The following PDE11A variants were observed in gnomAD, a reference collection of about 807,000 sequenced individuals.
PDE11A encodes phosphodiesterase 11A.
In PDE11A, 100 loss-of-function variants were observed where a neutral mutation model predicts 100.5. The ratio of observed to expected loss-of-function variants is 1.00; its 90% CI spans 0.85 to 1.18. The LOEUF is 1.18. Ranked by LOEUF, PDE11A falls within the 50% of genes most tolerant of loss-of-function variation. PDE11A has a pLI of 0.00. For synonymous variants in PDE11A, 381 were observed against 420.8 expected, an observed-to-expected ratio of 0.91 and a Z score of 1.16; for missense variants, 1,141 against 1,152.6, an observed-to-expected ratio of 0.99 and a Z score of 0.15.
chr2:177,788,099 C>G (rs2082568045), intron 9 of PDE11A, among the ~76,000 whole-genome samples: 2 of 151,940 alleles, frequency 1.3e-5, no homozygotes. Flanking sequence ...TTTTCAGCAC[C>G]ACACCACACC....
rs1401322080 is a variant in PDE11A, at chr2:177,626,143, AG to A, written c.*3263del. The A allele has an allele frequency of 6.5e-6, 1 of 152,676 alleles. No individual in the cohort carries two copies. The highest frequency in any genetic ancestry group is 1.5e-5 in the Non-Finnish European group (1 of 68,062). The allele number at this position is 152,676 out of a possible 1,614,324, so 9.5% of individuals were successfully genotyped here. On this transcript the variant is annotated 3_prime_UTR_variant, in exon 20 of 20. Coordinates refer to ENST00000286063, the MANE Select transcript of PDE11A (RefSeq NM_016953.4). ...GCCAATAAAACGGCAAGAAAATGAG[AG>A]GAAAACTCAACCTTAGTGGAAGCTT...
At chr2:177,898,023 C>G (rs1558996856) in intron 4 of PDE11A, 35 bp downstream of exon 4, 1 of 1,526,760 alleles carries the variant, frequency 6.5e-7, no homozygotes, top group Non-Finnish European at 9.1e-7. Context: ...TCCATTCACA[C>G]AGTCTTCAAC....
intron 10 of PDE11A, among the ~76,000 whole-genome samples, chr2:177,751,593 G>A (rs2082027943): frequency 6.6e-6 from 1 of 152,156 alleles, no homozygotes; most frequent in Non-Finnish European, 1.5e-5. Flanking sequence ...TGTGTCTAAT[G>A]CAGATTTCTA....
intron 2 of PDE11A, among the ~76,000 whole-genome samples, chr2:177,910,087 A>T (rs1219539102): frequency 6.6e-6 from 1 of 152,196 alleles, no homozygotes; most frequent in Non-Finnish European, 1.5e-5. Flanking sequence ...TTGGCCAAAC[A>T]TTACTGTGGA....
chr2:178,067,893 G>A (rs774320901), intron 1 of PDE11A, among the ~76,000 whole-genome samples: 6 of 152,132 alleles, frequency 3.9e-5, no homozygotes, highest in Non-Finnish European at 7.3e-5. Context: ...AAAGGCAGGC[G>A]CACCTGTAAC....
At chr2:178,091,334 G>C (rs2105883685) in intron 2 of PDE11A, among the ~76,000 whole-genome samples, 1 of 152,306 alleles carries the variant, frequency 6.6e-6, no homozygotes, top group East Asian at 1.9e-4. Context: ...GCCTCCCAAA[G>C]TGCTGGGATT....
At chr2:177,906,286 C>T (rs114479673) in intron 2 of PDE11A, among the ~76,000 whole-genome samples, 2,832 of 152,230 alleles carry the variant, frequency 0.019, 53 homozygotes, top group South Asian at 0.046. Flanking sequence ...CAGTGCAGTG[C>T]CCGCTGTGGG....
At chr2:177,650,660 A>G (rs1166685124) in intron 19 of PDE11A, among the ~76,000 whole-genome samples, 1 of 152,190 alleles carries the variant, frequency 6.6e-6, no homozygotes, top group Non-Finnish European at 1.5e-5. Context: ...TAGTTTTGAA[A>G]ACTTTGAGGT....
At chr2:177,738,737 C>A (rs1219326406) in intron 10 of PDE11A, among the ~76,000 whole-genome samples, 1 of 152,210 alleles carries the variant, frequency 6.6e-6, no homozygotes, top group African/African-American at 2.4e-5. Flanking sequence ...ATTCCTTCTT[C>A]CATATTCCAT....
chr2:177,950,224 A>ATT (rs34823486), intron 2 of PDE11A, among the ~76,000 whole-genome samples: 127 of 148,212 alleles, frequency 8.6e-4, no homozygotes, highest in South Asian at 5.5e-3. Context: ...TCTCCTTCCC[A>ATT]TTTTTTTTTT....
At chr2:178,067,287 G>A (rs1281488720) in intron 1 of PDE11A, among the ~76,000 whole-genome samples, 1 of 152,106 alleles carries the variant, frequency 6.6e-6, no homozygotes, top group African/African-American at 2.4e-5. Flanking sequence ...ACACCACTTT[G>A]ATCATGCTAA....
chr2:178,107,030 C>T (rs2087627516), intron 1 of PDE11A, among the ~76,000 whole-genome samples: 1 of 149,244 alleles, frequency 6.7e-6, no homozygotes, highest in Admixed American at 6.7e-5. Flanking sequence ...GCTAGTAATT[C>T]AGGAAACCAG....
chr2:178,067,743 G>A (rs909364441), intron 1 of PDE11A, among the ~76,000 whole-genome samples: 3 of 152,130 alleles, frequency 2.0e-5, no homozygotes, highest in Non-Finnish European at 4.4e-5. Flanking sequence ...GTACACCCTT[G>A]GAGAGCAGAA....
At chr2:177,845,275 G>T (rs1329283347) in intron 5 of PDE11A, among the ~76,000 whole-genome samples, 1 of 150,760 alleles carries the variant, frequency 6.6e-6, no homozygotes, top group Non-Finnish European at 1.5e-5. Flanking sequence ...CTTCTCAGAC[G>T]GGGCGGTTGC....
intron 9 of PDE11A, among the ~76,000 whole-genome samples, chr2:177,805,038 T>A (rs1438252861): frequency 6.6e-6 from 1 of 151,654 alleles, no homozygotes; most frequent in African/African-American, 2.4e-5. Context: ...ACATAATATA[T>A]CCATGTAAGA....
intron 1 of PDE11A, among the ~76,000 whole-genome samples, chr2:178,036,112 T>C (rs932475485): frequency 1.3e-5 from 2 of 152,248 alleles, no homozygotes; most frequent in Non-Finnish European, 2.9e-5. Context: ...CATGATTGTA[T>C]ATTTAGAAAA....
At chr2:177,712,027 G>C in intron 12 of PDE11A, 149 bp from the exon 13 acceptor site, 1 of 635,428 alleles carries the variant, frequency 1.6e-6, no homozygotes, top group South Asian at 1.8e-5. Flanking sequence ...AGTAAGTTGG[G>C]TGGTCAGTTG....
chr2:178,015,830 G>A (rs182006305), intron 1 of PDE11A, among the ~76,000 whole-genome samples: 102 of 152,230 alleles, frequency 6.7e-4, no homozygotes, highest in Admixed American at 6.3e-3. Context: ...GAGTAACTGT[G>A]ACTAAAAATG....
intron 3 of PDE11A, among the ~76,000 whole-genome samples, chr2:177,898,893 T>C (rs74907507): frequency 0.011 from 1,733 of 152,360 alleles, 27 homozygotes; most frequent in East Asian, 0.075. Flanking sequence ...ACTTTGTGCC[T>C]GTAGAAGCAG....
Sources: gnomAD v4.1 joint callset for allele counts (sites outside exome capture counted in the v4.1 genomes callset) on GRCh38, gnomAD v4.1.1 for gene constraint, MANE v1.5 for transcripts, NCBI Gene and HGNC (gene_info 2026-07-23, HGNC 2026-07-21) for gene names.